Variants in LINGO2 observed in about 807,000 individuals in gnomAD.
LINGO2 encodes the protein leucine-rich repeat and immunoglobulin-like domain-containing nogo receptor-interacting protein 2.
Under a neutral mutation model 30.6 loss-of-function variants are expected in LINGO2, and 14 were observed. The ratio of observed to expected loss-of-function variants is 0.46; its 90% CI spans 0.30 to 0.72. LINGO2 has a LOEUF of 0.72. Ranked by LOEUF, LINGO2 falls within the 30% of genes least tolerant of loss-of-function variation. The pLI is 0.07. For missense variants in LINGO2, 729 were observed against 751.7 expected, an observed-to-expected ratio of 0.97 and a Z score of 0.35; for synonymous variants, 317 against 288.5, an observed-to-expected ratio of 1.10 and a Z score of -1.00.
chr9:28,753,938 A>T, the LINGO2 span, among the ~76,000 whole-genome samples: 4 of 151,778 alleles, frequency 2.6e-5, no homozygotes, highest in African/African-American at 9.7e-5. Context: ...CATTACAATA[A>T]TTTCTAACTT....
At chr9:29,042,797 G>A in the LINGO2 span, among the ~76,000 whole-genome samples, 1 of 151,612 alleles carries the variant, frequency 6.6e-6, no homozygotes, top group Non-Finnish European at 1.5e-5. Context: ...AATCTTGAGG[G>A]GATTATGCTG....
Position 28,205,149 on chromosome 9 carries a change from A to G in LINGO2, c.-87+90059T>C, listed in dbSNP as rs375688785. Among the ~76,000 whole-genome samples, 100 of 152,364 alleles carry G rather than the reference A, an allele frequency of 6.6e-4. No individual in the cohort carries two copies. The East Asian group carries it at 9.4e-3, about 14-fold the overall frequency. On this transcript the variant is annotated intron_variant, in intron 4 of 5. Coordinates refer to ENST00000379992, the Ensembl canonical transcript of LINGO2. Reference sequence around the variant, plus strand: ...CCCTGTCTATACCCTCTAGGAGTATATATCACATTTAAGCGATTTAAGAAA... The same window carrying G: ...CCCTGTCTATACCCTCTAGGAGTATGTATCACATTTAAGCGATTTAAGAAA...
At chr9:28,974,758 T>C in the LINGO2 span, among the ~76,000 whole-genome samples, 1 of 152,094 alleles carries the variant, frequency 6.6e-6, no homozygotes, top group East Asian at 1.9e-4. Context: ...ATGTGCCTGG[T>C]ACTGTATTTG....
At chr9:28,918,603 C>T in the LINGO2 span, among the ~76,000 whole-genome samples, 2 of 152,110 alleles carry the variant, frequency 1.3e-5, no homozygotes, top group African/African-American at 4.8e-5. Flanking sequence ...AAGGAGCCTA[C>T]GTCTCTAATG....
At chr9:27,957,354 C>T (rs1329001595) in intron 5 of LINGO2, among the ~76,000 whole-genome samples, 3 of 152,006 alleles carry the variant, frequency 2.0e-5, no homozygotes, top group Non-Finnish European at 2.9e-5. Flanking sequence ...AGTGAGGTGG[C>T]GCAATCTTGG....
chr9:28,363,849 T>C (rs1820550031), intron 3 of LINGO2, among the ~76,000 whole-genome samples: 1 of 152,196 alleles, frequency 6.6e-6, no homozygotes, highest in Admixed American at 6.5e-5. Flanking sequence ...TGTTTTTCTT[T>C]TAGCCTATAT....
At chr9:28,602,401 C>T (rs1027370252) in intron 1 of LINGO2, among the ~76,000 whole-genome samples, 1 of 152,034 alleles carries the variant, frequency 6.6e-6, no homozygotes, top group East Asian at 1.9e-4. Context: ...TGACAAGGAC[C>T]ATGAGTGGAT....
chr9:28,431,846 A>G (rs910722793), intron 2 of LINGO2, among the ~76,000 whole-genome samples: 1 of 152,206 alleles, frequency 6.6e-6, no homozygotes, highest in Non-Finnish European at 1.5e-5. Context: ...TCAAAAGCAC[A>G]GTGAAAAAGT....
the LINGO2 span, among the ~76,000 whole-genome samples, chr9:29,100,492 G>T: frequency 7.9e-5 from 12 of 152,074 alleles, no homozygotes; most frequent in African/African-American, 2.9e-4. Context: ...TACTCAGGAG[G>T]CTGAGGCAAG....
At chr9:28,313,619 G>C (rs1419555377) in intron 3 of LINGO2, among the ~76,000 whole-genome samples, 1 of 152,098 alleles carries the variant, frequency 6.6e-6, no homozygotes, top group East Asian at 1.9e-4. Flanking sequence ...TAGGCAGAGA[G>C]GCTGGATTCT....
Position 28,273,197 on chromosome 9 carries a change from C to T in LINGO2, c.-87+22011G>A, listed in dbSNP as rs1265864161. Among the ~76,000 whole-genome samples the T allele has an allele frequency of 3.9e-5, 6 of 152,172 alleles. No individual in the cohort carries two copies. The East Asian group carries it at 7.7e-4, about 20-fold the overall frequency. ...CGTATTGTATAAGCTGACCACACGG[C>T]CCCTTGTTCCTTAGAAGAGATTCTT... On this transcript the variant is annotated intron_variant, in intron 4 of 5. Coordinates refer to ENST00000379992, the Ensembl canonical transcript of LINGO2.
chr9:28,638,046 G>C (rs1827371137), intron 1 of LINGO2, among the ~76,000 whole-genome samples: 1 of 152,082 alleles, frequency 6.6e-6, no homozygotes, highest in Non-Finnish European at 1.5e-5. Flanking sequence ...GTTGAATTTT[G>C]TCAAAGGCCT....
chr9:28,754,399 G>A, the LINGO2 span, among the ~76,000 whole-genome samples: 2 of 152,032 alleles, frequency 1.3e-5, no homozygotes, highest in Non-Finnish European at 2.9e-5. Flanking sequence ...AGTTGATACA[G>A]AACAGTGTTT....
chr9:28,709,798 C>T, the LINGO2 span, among the ~76,000 whole-genome samples: 36 of 151,920 alleles, frequency 2.4e-4, no homozygotes, highest in Non-Finnish European at 1.5e-5. Flanking sequence ...ATATACTCAG[C>T]ATGATTCTCA....
chr9:28,584,753 C>T (rs573815452), intron 1 of LINGO2, among the ~76,000 whole-genome samples: 2 of 151,954 alleles, frequency 1.3e-5, no homozygotes, highest in African/African-American at 2.4e-5. Flanking sequence ...ATCATTTATA[C>T]TGTTGAAGAG....
At chr9:29,186,479 T>TG in the LINGO2 span, among the ~76,000 whole-genome samples, 1 of 152,040 alleles carries the variant, frequency 6.6e-6, no homozygotes. Flanking sequence ...TTGCCAAACT[T>TG]GAAATTTTAT....
At chr9:28,832,866 T>G in the LINGO2 span, among the ~76,000 whole-genome samples, 1 of 152,128 alleles carries the variant, frequency 6.6e-6, no homozygotes, top group Non-Finnish European at 1.5e-5. Context: ...TCCCTAAGCA[T>G]TTGATTCATG....
At chr9:29,018,085 TAC>T in the LINGO2 span, among the ~76,000 whole-genome samples, 1 of 70,258 alleles carries the variant, frequency 1.4e-5, no homozygotes, top group Non-Finnish European at 3.2e-5. Context: ...TATATAAATA[TAC>T]ATTTTATATA....
chr9:29,068,049 G>C, the LINGO2 span, among the ~76,000 whole-genome samples: 2 of 151,980 alleles, frequency 1.3e-5, no homozygotes, highest in South Asian at 4.1e-4. Flanking sequence ...CAAAATGAAA[G>C]AGCATGAGAC....
Sources: gnomAD v4.1 joint callset for allele counts (sites outside exome capture counted in the v4.1 genomes callset) on GRCh38, gnomAD v4.1.1 for gene constraint, MANE v1.5 for transcripts, NCBI Gene and HGNC (gene_info 2026-07-23, HGNC 2026-07-21) for gene names.